The following SPATA9 variants were observed in gnomAD, a reference collection of about 807,000 sequenced individuals.
The protein encoded by SPATA9 is spermatogenesis-associated protein 9.
SPATA9 carries 27 observed loss-of-function variants against 25.5 expected under a neutral mutation model. That is an observed-to-expected ratio of 1.06 (90% confidence interval 0.78 to 1.46). SPATA9 has a LOEUF of 1.46. Ranked by LOEUF, SPATA9 falls within the 40% of genes most tolerant of loss-of-function variation. The pLI is 0.00. For missense variants in SPATA9, 282 were observed against 297.5 expected, an observed-to-expected ratio of 0.95 and a Z score of 0.38; for synonymous variants, 102 against 105.7, an observed-to-expected ratio of 0.97 and a Z score of 0.21.
At chr5:95,654,639 A>G (rs148162373), downstream of SPATA9, among the ~76,000 whole-genome samples, 18 of 152,312 alleles carry the variant, frequency 1.2e-4, no homozygotes, top group Non-Finnish European at 1.6e-4. Context: ...AAGGCAACCT[A>G]AATGTTTTAA....
At chr5:95,673,483 C>T (rs1202715906) in intron 3 of SPATA9, among the ~76,000 whole-genome samples, 1 of 151,982 alleles carries the variant, frequency 6.6e-6, no homozygotes, top group African/African-American at 2.4e-5. Context: ...ACAGTTCTGA[C>T]TTAGTAGAGA....
At chr5:95,668,704 A>G (rs755394027) in intron 3 of SPATA9, among the ~76,000 whole-genome samples, 2 of 152,236 alleles carry the variant, frequency 1.3e-5, no homozygotes, top group Non-Finnish European at 2.9e-5. Flanking sequence ...ATATATGGAT[A>G]TTTGAGCAGT....
chr5:95,720,395 T>A, the SPATA9 span, among the ~76,000 whole-genome samples: 1 of 152,232 alleles, frequency 6.6e-6, no homozygotes, highest in Non-Finnish European at 1.5e-5. Flanking sequence ...GTTGTTGTAA[T>A]CATAGTTAAT....
At chr5:95,663,916 GATTT>G (rs1378441448) in intron 4 of SPATA9, 33 bp downstream of exon 4, 1 of 1,188,630 alleles carries the variant, frequency 8.4e-7, no homozygotes, top group Non-Finnish European at 1.2e-6. Context: ...AAAATAAGTA[GATTT>G]ATTTCTAGAT....
intron 3 of SPATA9, among the ~76,000 whole-genome samples, chr5:95,672,867 G>A (rs1752530514): frequency 6.6e-6 from 1 of 152,148 alleles, no homozygotes; most frequent in South Asian, 2.1e-4. Flanking sequence ...ATTTTCATGA[G>A]TGTTGGGAGA....
the SPATA9 span, among the ~76,000 whole-genome samples, chr5:95,722,178 G>T: frequency 6.6e-6 from 1 of 152,176 alleles, no homozygotes. Flanking sequence ...GGCCATAGCA[G>T]AGATGCATGT....
At chr5:95,653,361 A>G, downstream of SPATA9, 1 of 1,169,480 alleles carries the variant, frequency 8.6e-7, no homozygotes, top group Non-Finnish European at 1.2e-6. Flanking sequence ...AGACAATCAA[A>G]GAATCCTGCT....
At chr5:95,696,595 G>A (rs1054183971) in intron 1 of SPATA9, among the ~76,000 whole-genome samples, 1 of 152,240 alleles carries the variant, frequency 6.6e-6, no homozygotes, top group African/African-American at 2.4e-5. Flanking sequence ...AACAAATGAT[G>A]CCTTGGCACG....
intron 3 of SPATA9, among the ~76,000 whole-genome samples, chr5:95,672,024 G>A (rs1354039056): frequency 1.3e-5 from 2 of 151,682 alleles, no homozygotes; most frequent in Non-Finnish European, 2.9e-5. Context: ...CCAATGCCAC[G>A]AACAAAAAGG....
intron 1 of SPATA9, among the ~76,000 whole-genome samples, chr5:95,691,215 CA>C (rs35098619): frequency 9.3e-4 from 130 of 139,100 alleles, no homozygotes; most frequent in Admixed American, 1.6e-3. Flanking sequence ...GACTCCGTCT[CA>C]AAAAAAAAAA....
the SPATA9 span, among the ~76,000 whole-genome samples, chr5:95,707,403 G>A: frequency 6.6e-6 from 1 of 152,052 alleles, no homozygotes; most frequent in South Asian, 2.1e-4. Flanking sequence ...ATTAGCCGGC[G>A]ACCGAGAGAC....
At chr5:95,696,656 T>C (rs1429244582) in intron 1 of SPATA9, among the ~76,000 whole-genome samples, 1 of 152,190 alleles carries the variant, frequency 6.6e-6, no homozygotes, top group Non-Finnish European at 1.5e-5. Context: ...GCAAGAGGAC[T>C]GCTTGGGGTC....
rs1208272149 is a variant in SPATA9, at chr5:95,675,396, T to C, written c.378+16A>G. 1.3e-6 allele frequency: 2 copies of C among 1,589,416 alleles called. No individual in the cohort carries two copies. Among genetic ancestry groups the C allele is most frequent in the Admixed American group, 1.8e-5 (1 of 55,016 alleles). On this transcript the variant is annotated intron_variant, in intron 3 of 4. Coordinates refer to ENST00000274432, the MANE Select transcript of SPATA9 (RefSeq NM_031952.4). ...TCTTAAAAAAGGGGAATTGTGCATA[T>C]GCAGTATTCCCTTACCTGAATGTTA... is the stretch of plus-strand genomic sequence containing the variant.
the SPATA9 span, among the ~76,000 whole-genome samples, chr5:95,727,323 C>G: frequency 1.3e-5 from 2 of 152,164 alleles, no homozygotes; most frequent in African/African-American, 4.8e-5. Context: ...AAGCCGAGAT[C>G]TCTAGGCCTG....
chr5:95,692,771 A>G (rs1261960083), intron 1 of SPATA9, among the ~76,000 whole-genome samples: 2 of 151,948 alleles, frequency 1.3e-5, no homozygotes, highest in Admixed American at 1.3e-4. Context: ...ATTTCTTTCT[A>G]CTTGATTGAC....
Position 95,682,603 on chromosome 5 carries a change from C to CTGGA in SPATA9, c.71_74dup (p.Gln25HisfsTer11). The stretch of plus-strand genomic sequence containing the variant: ...CATCTACAAGGTCCATGATTGCTTT[C>CTGGA]TGGATCCCCTCGACTAAGACAAAAA... On this transcript the variant is annotated frameshift_variant, in exon 2 of 5. Coordinates refer to ENST00000274432, the MANE Select transcript of SPATA9 (RefSeq NM_031952.4). LOFTEE classifies it high-confidence loss of function. The CTGGA allele has an allele frequency of 6.2e-7, 1 of 1,613,290 alleles. No individual in the cohort carries two copies. The highest frequency in any genetic ancestry group is 2.2e-5 in the East Asian group (1 of 44,876).
chr5:95,710,894 A>G, the SPATA9 span, among the ~76,000 whole-genome samples: 1 of 152,096 alleles, frequency 6.6e-6, no homozygotes, highest in African/African-American at 2.4e-5. Flanking sequence ...GCTGACTGAT[A>G]TTCATTCCAG....
chr5:95,702,682 C>A (rs548585955), upstream of SPATA9, among the ~76,000 whole-genome samples: 3 of 152,180 alleles, frequency 2.0e-5, no homozygotes, highest in African/African-American at 7.2e-5. Context: ...TCCAGACAAG[C>A]CTGGGCAACA....
chr5:95,653,028 C>T lies in SPATA9; in HGVS notation c.*629G>A, dbSNP rs973094566. The T allele has an allele frequency of 9.9e-6, 15 of 1,515,792 alleles. No individual in the cohort carries two copies. In the African/African-American group the frequency reaches 2.0e-4, roughly 20 times the overall value. 93.9% of individuals were successfully genotyped at this position (1,515,792 alleles called of 1,614,324 possible). A position where few individuals can be genotyped will look rare whatever the true frequency, so the allele number is the denominator to read the frequency against. On this transcript the variant is annotated 3_prime_UTR_variant and NMD_transcript_variant, in exon 9 of 9. Transcript: ENST00000316087. ...GCACAACCTGGCTCCTGCCTGTTTA[C>T]CAATCTTGCATATTATGTTCCAGTC...
Sources: allele counts gnomAD v4.1 joint callset (sites outside exome capture counted in the v4.1 genomes callset), GRCh38; gene constraint gnomAD v4.1.1; transcripts MANE v1.5; gene names NCBI Gene and HGNC (gene_info 2026-07-23, HGNC 2026-07-21).